HELZ: variants seen among roughly 807,000 people sequenced by gnomAD.
HELZ encodes the protein helicase with zinc finger, also known as ATP-dependent RNA helicase with zinc finger domain.
In HELZ, 23 loss-of-function variants were observed where a neutral mutation model predicts 218.2. The observed-to-expected ratio is 0.11, with a 90% CI of 0.08 to 0.15. The LOEUF (loss-of-function observed/expected upper bound fraction) is 0.15, where lower values mean the gene tolerates loss of function less well. Ranked by LOEUF, HELZ falls within the 10% of genes least tolerant of loss-of-function variation. HELZ has a pLI of 1.00. For synonymous variants in HELZ, 814 were observed against 829.4 expected (o/e 0.98, Z 0.32); for missense variants, 1,813 against 2,353.7 (o/e 0.77, Z 4.75).
Position 67,077,434 on chromosome 17 carries a change from C to T in HELZ, c.*818G>A, listed in dbSNP as rs2036045904. 6.6e-6 allele frequency: 1 copy of T among 151,922 alleles called. No individual in the cohort carries two copies. Among genetic ancestry groups the T allele is most frequent in the South Asian group, 2.1e-4 (1 of 4,816 alleles). The allele number at this position is 151,922 out of a possible 1,614,324, so 9.4% of individuals were successfully genotyped here. On this transcript the variant is annotated 3_prime_UTR_variant, in exon 33 of 33. Coordinates refer to ENST00000358691, the MANE Select transcript of HELZ (RefSeq NM_014877.4). ...ATTCACGCATTTTTAAAATAGTTAT[C>T]AAGTCTACTAAGCACCAACAATCCT...
rs562132674 is a variant in HELZ, at chr17:67,218,691, C to T, written c.114G>A (p.Gln38=). 2 of 1,614,134 alleles carry T rather than the reference C, an allele frequency of 1.2e-6. No individual in the cohort carries two copies. Among genetic ancestry groups the T allele is most frequent in the South Asian group, 2.2e-5 (2 of 91,074 alleles). Residue 38 remains glutamine (Q), a synonymous_variant, in exon 4 of 33, where the codon CAG becomes CAA. Coordinates refer to ENST00000358691, the MANE Select transcript of HELZ (RefSeq NM_014877.4). ...GCCCTGTGAAGTCTGCCATGGAGTA[C>T]TGGCCAAGAGAAAGAAGGGCCTCTG... ...HCTEALLSLG[Q]YSMADFTGPC... is the part of the protein sequence containing the mutation.
Position 67,081,456 on chromosome 17 carries a change from G to A in HELZ, c.5495-2870C>T, listed in dbSNP as rs373747287. ...ACAGAGAGGTGAGTTAGTTCCTCTT[G>A]TACAAAGTTTTCTCCCAACTATTCC... On this transcript the variant is annotated intron_variant, in intron 32 of 32. Transcript: ENST00000358691. 8.3e-4 allele frequency among the ~76,000 whole-genome samples: 127 copies of A among 152,268 alleles called. 5 individuals carry two copies. In the South Asian group the frequency reaches 0.026, roughly 31 times the overall value.
intron 23 of HELZ, among the ~76,000 whole-genome samples, chr17:67,129,381 T>C (rs2037906259): frequency 6.6e-6 from 1 of 152,044 alleles, no homozygotes; most frequent in African/African-American, 2.4e-5. Flanking sequence ...CACATACACA[T>C]ATATACACAC....
At chr17:67,106,348 G>A (rs1050352909) in intron 31 of HELZ, among the ~76,000 whole-genome samples, 26 of 150,042 alleles carry the variant, frequency 1.7e-4, no homozygotes, top group Non-Finnish European at 2.7e-4. Context: ...TTGCTCTGTC[G>A]CCCACGCTGG....
At chr17:67,190,444 T>C (rs2039862590) in intron 9 of HELZ, 89 bp from the exon 10 acceptor site, 1 of 966,186 alleles carries the variant, frequency 1.0e-6, no homozygotes, top group Non-Finnish European at 1.6e-6. Context: ...GATTCTTCAA[T>C]AAAAACAAAA....
chr17:67,112,906 G>T (rs926594677), intron 28 of HELZ, among the ~76,000 whole-genome samples: 1 of 152,142 alleles, frequency 6.6e-6, no homozygotes, highest in Non-Finnish European at 1.5e-5. Flanking sequence ...GAAAACGAAA[G>T]AAACAAGATG....
chr17:67,229,782 T>C (rs2040987770), intron 3 of HELZ, among the ~76,000 whole-genome samples: 1 of 152,240 alleles, frequency 6.6e-6, no homozygotes, highest in Non-Finnish European at 1.5e-5. Flanking sequence ...CAAAATAGTC[T>C]GCAAAGTAGT....
At chr17:67,106,567 C>A (rs893699990) in intron 31 of HELZ, among the ~76,000 whole-genome samples, 1 of 152,064 alleles carries the variant, frequency 6.6e-6, no homozygotes, top group South Asian at 2.1e-4. Context: ...TCGGCCTCCC[C>A]AAGTGCTGGG....
intron 20 of HELZ, among the ~76,000 whole-genome samples, chr17:67,147,853 C>T (rs547959670): frequency 3.3e-5 from 5 of 152,324 alleles, no homozygotes; most frequent in Admixed American, 1.3e-4. Flanking sequence ...GAACTGGGTT[C>T]GAAAGCCTCT....
At chr17:67,181,255 T>C (rs569162255) in intron 12 of HELZ, among the ~76,000 whole-genome samples, 1 of 152,292 alleles carries the variant, frequency 6.6e-6, no homozygotes, top group African/African-American at 2.4e-5. Context: ...AAGTCACTAG[T>C]TATTCCTAAC....
At chr17:67,244,812 T>A (rs906796496) in intron 1 of HELZ, 2 of 985,100 alleles carry the variant, frequency 2.0e-6, no homozygotes, top group African/African-American at 3.5e-5. Flanking sequence ...CGAGTCCCCC[T>A]CCCAGAGTGC....
intron 27 of HELZ, 95 bp downstream of exon 27, chr17:67,120,310 A>C: frequency 9.8e-7 from 1 of 1,021,678 alleles, no homozygotes; most frequent in Non-Finnish European, 1.5e-6. Context: ...ATCCATGAAA[A>C]AGTTAACAAT....
intron 31 of HELZ, among the ~76,000 whole-genome samples, chr17:67,103,582 A>G (rs1465272884): frequency 1.3e-5 from 2 of 152,240 alleles, no homozygotes; most frequent in Non-Finnish European, 2.9e-5. Context: ...TACTGTTGAA[A>G]GAAATGTTAA....
intron 31 of HELZ, among the ~76,000 whole-genome samples, chr17:67,104,806 T>TA (rs1266576669): frequency 6.6e-6 from 1 of 151,932 alleles, no homozygotes; most frequent in African/African-American, 2.4e-5. Flanking sequence ...ACATCATCAG[T>TA]AAATAGGGAA....
intron 21 of HELZ, among the ~76,000 whole-genome samples, chr17:67,140,521 C>T (rs532165698): frequency 6.6e-6 from 1 of 152,150 alleles, no homozygotes; most frequent in East Asian, 1.9e-4. Context: ...AGATACATAG[C>T]GGTTATGCAA....
intron 5 of HELZ, among the ~76,000 whole-genome samples, chr17:67,203,741 A>C (rs987495749): frequency 1.3e-5 from 2 of 152,220 alleles, no homozygotes; most frequent in Admixed American, 1.3e-4. Flanking sequence ...TTCTGGGTAA[A>C]TGAGGGCTTT....
Position 67,078,247 on chromosome 17 carries a change from A to G in HELZ, c.*5T>C, listed in dbSNP as rs921122875. The G allele has an allele frequency of 1.1e-5, 18 of 1,604,074 alleles. No individual in the cohort carries two copies. Among genetic ancestry groups the G allele is most frequent in the Non-Finnish European group, 1.5e-5 (17 of 1,171,554 alleles). ...ACATTCTCCCTTGAGGGAAAAAAAAAGTGATTATTTAAAATATGAGTAAAA... is the reference window on the plus strand; with the variant it reads ...ACATTCTCCCTTGAGGGAAAAAAAAGGTGATTATTTAAAATATGAGTAAAA... On this transcript the variant is annotated 3_prime_UTR_variant, in exon 33 of 33. Transcript: ENST00000358691.
chr17:67,166,473 T>G lies in HELZ; in HGVS notation c.1895+5A>C. On this transcript the variant is annotated splice_donor_5th_base_variant and intron_variant, in intron 15 of 32. Coordinates refer to ENST00000358691, the MANE Select transcript of HELZ (RefSeq NM_014877.4). ...TTCCTTTAATAAGATATCGCCTTTTTGTACCTGTTAGGACTCCATGGTATG... is the reference window on the plus strand; with the variant it reads ...TTCCTTTAATAAGATATCGCCTTTTGGTACCTGTTAGGACTCCATGGTATG... 6.2e-7 allele frequency: 1 copy of G among 1,608,116 alleles called. No homozygotes were observed. Among genetic ancestry groups the G allele is most frequent in the Non-Finnish European group, 8.5e-7 (1 of 1,176,268 alleles).
intron 5 of HELZ, among the ~76,000 whole-genome samples, chr17:67,213,949 A>C (rs187452087): frequency 6.6e-6 from 1 of 152,304 alleles, no homozygotes; most frequent in African/African-American, 2.4e-5. Flanking sequence ...TTAATTTTTA[A>C]AGGAAAAACT....
Sources: allele counts gnomAD v4.1 joint callset (sites outside exome capture counted in the v4.1 genomes callset), GRCh38; gene constraint gnomAD v4.1.1; transcripts MANE v1.5; gene names NCBI Gene and HGNC (gene_info 2026-07-23, HGNC 2026-07-21).